Variants in PDE1C observed in about 807,000 individuals in gnomAD.
PDE1C encodes the protein phosphodiesterase 1C, also known as dual specificity calcium/calmodulin-dependent 3',5'-cyclic nucleotide phosphodiesterase 1C.
In PDE1C, 62 loss-of-function variants were observed where a neutral mutation model predicts 93.1. That is an observed-to-expected ratio of 0.67 (90% CI 0.54 to 0.82). PDE1C has a LOEUF of 0.82. Ranked by LOEUF, PDE1C falls within the 40% of genes least tolerant of loss-of-function variation. PDE1C has a pLI of 0.00. For synonymous variants in PDE1C, 325 were observed against 310.1 expected (o/e 1.05, Z -0.50); for missense variants, 742 against 884.6 (o/e 0.84, Z 2.04).
the PDE1C span, among the ~76,000 whole-genome samples, chr7:31,720,655 C>T: frequency 6.6e-6 from 1 of 152,200 alleles, no homozygotes; most frequent in African/African-American, 2.4e-5. Flanking sequence ...AATAGCAAAT[C>T]AACAGGGTGT....
intron 3 of PDE1C, among the ~76,000 whole-genome samples, chr7:32,109,742 T>C (rs1001003182): frequency 4.0e-5 from 6 of 151,852 alleles, no homozygotes; most frequent in Non-Finnish European, 8.8e-5. Flanking sequence ...CTCTGCTTGG[T>C]AGAATAACAG....
intron 2 of PDE1C, among the ~76,000 whole-genome samples, chr7:32,027,607 T>TAAA (rs551660766): frequency 5.1e-5 from 4 of 78,498 alleles, no homozygotes; most frequent in East Asian, 9.2e-4. Flanking sequence ...TCAAAAATGG[T>TAAA]AAAAAAAAAA....
the PDE1C span, among the ~76,000 whole-genome samples, chr7:31,745,091 A>C: frequency 6.6e-6 from 1 of 152,346 alleles, no homozygotes; most frequent in East Asian, 1.9e-4. Context: ...CAGAGCATTA[A>C]GATAAAGGCA....
intron 17 of PDE1C, among the ~76,000 whole-genome samples, chr7:31,758,626 A>C (rs904503015): frequency 2.6e-5 from 4 of 152,224 alleles, no homozygotes; most frequent in African/African-American, 7.2e-5. Context: ...CCTAACGTGA[A>C]GTAAAGAGTT....
intron 1 of PDE1C, among the ~76,000 whole-genome samples, chr7:32,311,304 C>G (rs1287331440): frequency 6.6e-6 from 1 of 152,188 alleles, no homozygotes; most frequent in South Asian, 2.1e-4. Flanking sequence ...GACGGATTCA[C>G]AGCCGAATTC....
intron 2 of PDE1C, among the ~76,000 whole-genome samples, chr7:31,897,246 T>C (rs1431183286): frequency 6.6e-6 from 1 of 152,210 alleles, no homozygotes; most frequent in African/African-American, 2.4e-5. Context: ...AGGGAAGGCA[T>C]GGATTCAATG....
chr7:31,912,935 T>C (rs573023575), intron 2 of PDE1C, among the ~76,000 whole-genome samples: 8 of 152,318 alleles, frequency 5.3e-5, no homozygotes, highest in African/African-American at 1.9e-4. Flanking sequence ...GTTGAACTAA[T>C]TTTTGTCTTC....
chr7:31,692,518 A>T, the PDE1C span: 1 of 1,595,912 alleles, frequency 6.3e-7, no homozygotes, highest in African/African-American at 1.3e-5. Flanking sequence ...CGTTGCAGCC[A>T]CTTAGGTAAA....
chr7:32,427,560 T>C (rs1785559947), intron 1 of PDE1C, among the ~76,000 whole-genome samples: 1 of 152,172 alleles, frequency 6.6e-6, no homozygotes, highest in Admixed American at 6.5e-5. Flanking sequence ...CTCCCCATGG[T>C]GCCGGCCCCG....
intron 7 of PDE1C, among the ~76,000 whole-genome samples, chr7:31,860,418 C>T (rs187880273): frequency 5.9e-5 from 9 of 152,310 alleles, no homozygotes; most frequent in African/African-American, 1.9e-4. Context: ...TTAATATTAT[C>T]ACACTTTCAA....
the PDE1C span, chr7:31,643,532 A>T: frequency 6.2e-7 from 1 of 1,614,036 alleles, no homozygotes; most frequent in Non-Finnish European, 8.5e-7. Flanking sequence ...TCGGCTGCTC[A>T]GAGGGCTGTG....
intron 3 of PDE1C, among the ~76,000 whole-genome samples, chr7:32,107,873 G>A (rs1584775350): frequency 6.6e-6 from 1 of 152,080 alleles, no homozygotes; most frequent in South Asian, 2.1e-4. Flanking sequence ...AGGGACAGGA[G>A]GGATGATTGG....
At chr7:31,689,836 C>T in the PDE1C span, among the ~76,000 whole-genome samples, 3 of 152,178 alleles carry the variant, frequency 2.0e-5, no homozygotes, top group African/African-American at 4.8e-5. Context: ...CATCCCTGCA[C>T]GGCATGGGAT....
chr7:32,296,213 G>A (rs1375625976), intron 1 of PDE1C, among the ~76,000 whole-genome samples: 3 of 151,828 alleles, frequency 2.0e-5, no homozygotes, highest in Non-Finnish European at 4.4e-5. Context: ...TCTAAACTTG[G>A]CCTAAAATTT....
intron 2 of PDE1C, among the ~76,000 whole-genome samples, chr7:32,208,452 T>C (rs913795267): frequency 1.3e-5 from 2 of 152,252 alleles, no homozygotes; most frequent in Admixed American, 6.5e-5. Flanking sequence ...CTAAGTCTTT[T>C]TGTAGTCAAT....
chr7:31,655,914 A>G, the PDE1C span: 7 of 985,362 alleles, frequency 7.1e-6, no homozygotes, highest in Admixed American at 6.2e-5. Context: ...CCTGGCAGCC[A>G]TCTGCTTTAC....
At chr7:32,214,008 T>C (rs1044811477) in intron 1 of PDE1C, among the ~76,000 whole-genome samples, 1 of 152,298 alleles carries the variant, frequency 6.6e-6, no homozygotes, top group Non-Finnish European at 1.5e-5. Flanking sequence ...AAAATGTTTT[T>C]ATTAGAGGGT....
chr7:32,049,193 A>AG (rs1243927680), intron 2 of PDE1C, among the ~76,000 whole-genome samples: 1 of 152,226 alleles, frequency 6.6e-6, no homozygotes, highest in East Asian at 1.9e-4. Flanking sequence ...TACTACCGTG[A>AG]GTCCAACGAA....
chr7:31,837,880 G>A lies in PDE1C; in HGVS notation c.1072C>T (p.Gln358Ter). The A allele has an allele frequency of 6.2e-7, 1 of 1,610,928 alleles. No individual in the cohort carries two copies. Among genetic ancestry groups the A allele is most frequent in the South Asian group, 1.1e-5 (1 of 91,016 alleles). ...QIKAMKTALQ[Q>*]PEAIEKPKAL... The stretch of plus-strand genomic sequence containing the variant: ...CACAAGCACACTTACGCTTCTGGCT[G>A]CTGCAGAGCAGTCTTCATTGCTTTG... The change falls in exon 10 of 18, where the codon CAG (glutamine) becomes TAG (stop). Residue 358 changes from glutamine (Q) to a stop codon, truncating the protein, a stop_gained. Transcript: ENST00000396191. LOFTEE classifies it high-confidence loss of function.
Sources: allele counts gnomAD v4.1 joint callset (sites outside exome capture counted in the v4.1 genomes callset), GRCh38; gene constraint gnomAD v4.1.1; transcripts MANE v1.5; gene names NCBI Gene and HGNC (gene_info 2026-07-23, HGNC 2026-07-21).